Variants in OTOG observed in about 807,000 individuals in gnomAD.
The protein encoded by OTOG is otogelin.
OTOG carries 296 observed loss-of-function variants against 313.8 expected under a neutral mutation model. The ratio of observed to expected loss-of-function variants is 0.94; its 90% CI spans 0.86 to 1.04. OTOG has a LOEUF of 1.04. Among genes scored for constraint, OTOG ranks in the 50% least tolerant of loss-of-function variants. OTOG has a pLI of 0.00. For synonymous variants in OTOG, 1,533 were observed against 1,554.9 expected, an observed-to-expected ratio of 0.99 and a Z score of 0.33; for missense variants, 3,948 against 3,840.1, an observed-to-expected ratio of 1.03 and a Z score of -0.74.
chr11:17,596,896 G>A lies in OTOG; in HGVS notation c.3571G>A (p.Gly1191Ser), dbSNP rs551320755. 6.4e-7 allele frequency: 1 copy of A among 1,551,002 alleles called. No individual in the cohort carries two copies. Among genetic ancestry groups the A allele is most frequent in the South Asian group, 1.2e-5 (1 of 84,050 alleles). ...FYSNCLTDTC[G>S]CSQGGDCECF... The stretch of plus-strand genomic sequence containing the variant: ...CTCAAACTGCCTGACAGACACATGT[G>A]GCTGCAGCCAGGGTGGTGACTGTGA... The change falls in exon 30 of 56, where the codon GGC becomes AGC. Residue 1191 changes from glycine (G) to serine (S), a missense_variant. Coordinates refer to ENST00000399397, the MANE Select transcript of OTOG (RefSeq NM_001292063.2).
chr11:17,603,299 A>G (rs1277815618), intron 32 of OTOG, among the ~76,000 whole-genome samples: 1 of 152,030 alleles, frequency 6.6e-6, no homozygotes, highest in Non-Finnish European at 1.5e-5. Context: ...CTCCCTAAAC[A>G]TTTCTGATCC....
In OTOG at chr11:17,591,571, A is replaced by G; in HGVS notation, c.2989A>G (p.Lys997Glu). The G allele has an allele frequency of 6.4e-7, 1 of 1,550,626 alleles. No individual in the cohort carries two copies. ...GLPFDFVGACKVHLVKSTSDV... is the reference protein window; with the variant it reads ...GLPFDFVGACEVHLVKSTSDV... ...CCCGTTTGACTTCGTGGGGGCATGC[A>G]AAGTGCACCTGGTCAAGGTGAGTTC... Residue 997 changes from lysine to glutamate, a missense_variant, in exon 25 of 56, where the codon AAA (lysine) becomes GAA (glutamate). Transcript: ENST00000399397.
At chr11:17,613,270 TCTCTG>T (rs1853635183) in intron 38 of OTOG, among the ~76,000 whole-genome samples, 5 of 148,332 alleles carry the variant, frequency 3.4e-5, no homozygotes, top group South Asian at 2.2e-4. Flanking sequence ...TTTCTTTCTC[TCTCTG>T]TCTGTCTTTC....
At chr11:17,569,575 C>T (rs1852362717) in intron 16 of OTOG, among the ~76,000 whole-genome samples, 1 of 152,142 alleles carries the variant, frequency 6.6e-6, no homozygotes, top group Admixed American at 6.5e-5. Context: ...TTATTAACTA[C>T]TTGTTATACT....
chr11:17,603,724 G>T (rs1312325313), intron 32 of OTOG, among the ~76,000 whole-genome samples: 1 of 152,188 alleles, frequency 6.6e-6, no homozygotes, highest in Non-Finnish European at 1.5e-5. Flanking sequence ...CTTGAGTTGG[G>T]CCTTAAAGGA....
chr11:17,595,317 G>A lies in OTOG; in HGVS notation c.3409-721G>A, dbSNP rs1033288756. ...TATTTCTCTCTTGCTAATCCCATTC[G>A]GCATACCATGGGGTTCCCCAGTGAA... On this transcript the variant is annotated intron_variant, in intron 28 of 55. Coordinates refer to ENST00000399397, the MANE Select transcript of OTOG (RefSeq NM_001292063.2). Among the ~76,000 whole-genome samples, 69 of 152,166 alleles carry A rather than the reference G, an allele frequency of 4.5e-4. 2 individuals are homozygous for A. The highest frequency in any genetic ancestry group is 4.0e-3 in the Admixed American group (61 of 15,278).
chr11:17,576,488 C>T, intron 20 of OTOG, 68 bp from the exon 21 acceptor site: 2 of 1,340,176 alleles, frequency 1.5e-6, no homozygotes, highest in Admixed American at 3.9e-5. Context: ...GGTGGGGTCC[C>T]TGTCCTTGGC....
In OTOG at chr11:17,613,194, CTTTTCTTTCTTTCTTTCTTT is replaced by C. The variant is rs1309337661; in HGVS notation, c.6439-417_6439-398del. ...CTTTTCTTTCTTTCTTTCTTTCTTTCTTTTCTTTCTTTCTTTCTTTCTTTCTTTCTTTCTTTCTTTCTTTC... is the reference window on the plus strand; with the variant it reads ...CTTTTCTTTCTTTCTTTCTTTCTTTCCTTTCTTTCTTTCTTTCTTTCTTTC... On this transcript the variant is annotated intron_variant, in intron 38 of 55. Transcript: ENST00000399397. Among the ~76,000 whole-genome samples the C allele has an allele frequency of 4.7e-3, 231 of 48,694 alleles. 3 individuals are homozygous for C. Among genetic ancestry groups the C allele is most frequent in the Admixed American group, 7.9e-3 (45 of 5,690 alleles). 31.9% of individuals were successfully genotyped at this position (48,694 alleles called of 152,430 possible).
chr11:17,553,404 C>A lies in OTOG; in HGVS notation c.425C>A (p.Ala142Glu), dbSNP rs945886820. 2.0e-6 allele frequency: 3 copies of A among 1,466,854 alleles called. No individual in the cohort carries two copies. The highest frequency in any genetic ancestry group is 2.7e-6 in the Non-Finnish European group (3 of 1,106,336). The allele number at this position is 1,466,854 out of a possible 1,614,324, so 90.9% of individuals were successfully genotyped here. ...AGPERDSICR[A>E]WGQHHVETFD... is the part of the protein sequence containing the mutation. Reference sequence around the variant, plus strand: ...CCTGAGAGGGACAGCATTTGCCGGGCGTGGGGGCAGCACCACGTGGAGACA... The same window carrying A: ...CCTGAGAGGGACAGCATTTGCCGGGAGTGGGGGCAGCACCACGTGGAGACA... Residue 142 changes from alanine to glutamate, a missense_variant, in exon 6 of 56, where the codon GCG (alanine) becomes GAG (glutamate). By Grantham distance (107) the Ala-to-Glu change is moderately radical (BLOSUM62 -1). Transcript: ENST00000399397.
chr11:17,644,951 G>A (rs550701656), intron 54 of OTOG, among the ~76,000 whole-genome samples: 1 of 152,292 alleles, frequency 6.6e-6, no homozygotes, highest in African/African-American at 2.4e-5. Context: ...GTGAGGGCGT[G>A]AATGAGCCAC....
chr11:17,559,251 TCA>T (rs1447834663), intron 11 of OTOG, 90 bp downstream of exon 11: 113 of 1,070,384 alleles, frequency 1.1e-4, no homozygotes, highest in South Asian at 3.6e-4. Context: ...CTGCTCAGAA[TCA>T]CAGTTATCAG....
Position 17,558,583 on chromosome 11 carries a change from G to T in OTOG, c.1042G>T (p.Ala348Ser), listed in dbSNP as rs191354103. ...GGCTCTACTGCGGCCCCCCTTTGACGCCTGCCACGCCTACGTCAGCCCTCT... is the reference window on the plus strand; with the variant it reads ...GGCTCTACTGCGGCCCCCCTTTGACTCCTGCCACGCCTACGTCAGCCCTCT... The part of the protein sequence containing the change: ...CEALLRPPFD[A>S]CHAYVSPLPF... The change falls in exon 10 of 56, where the codon GCC becomes TCC. Residue 348 changes from alanine (A) to serine (S), a missense_variant. Transcript: ENST00000399397. 4.1e-5 allele frequency: 64 copies of T among 1,550,248 alleles called. No individual in the cohort carries two copies. In the East Asian group the frequency reaches 7.6e-4, roughly 18 times the overall value.
chr11:17,601,273 A>T (rs1032617128), intron 31 of OTOG, among the ~76,000 whole-genome samples: 1 of 152,084 alleles, frequency 6.6e-6, no homozygotes, highest in Non-Finnish European at 1.5e-5. Context: ...CAACATTTGC[A>T]TGTGGCAGGA....
intron 23 of OTOG, among the ~76,000 whole-genome samples, chr11:17,579,399 G>A (rs972614499): frequency 1.3e-5 from 2 of 152,168 alleles, no homozygotes; most frequent in African/African-American, 4.8e-5. Flanking sequence ...GAGGAGGGGA[G>A]GACCATGATT....
At chr11:17,616,744 C>G (rs1464130159) in intron 39 of OTOG, among the ~76,000 whole-genome samples, 4 of 152,184 alleles carry the variant, frequency 2.6e-5, no homozygotes, top group African/African-American at 9.7e-5. Context: ...TTACTAAGCT[C>G]AGTTATTAGT....
At chr11:17,622,222 C>T (rs934791342) in intron 39 of OTOG, among the ~76,000 whole-genome samples, 2 of 152,038 alleles carry the variant, frequency 1.3e-5, no homozygotes, top group Admixed American at 1.3e-4. Flanking sequence ...CAGTCTAATC[C>T]TTTTTTAATT....
chr11:17,632,257 T>A, intron 42 of OTOG, 31 bp downstream of exon 42: 2 of 1,539,902 alleles, frequency 1.3e-6, no homozygotes, highest in Non-Finnish European at 1.8e-6. Flanking sequence ...GACCCTCCAT[T>A]GTGACTATTG....
At chr11:17,611,468 C>T in intron 36 of OTOG, 45 bp downstream of exon 36, 1 of 1,438,998 alleles carries the variant, frequency 6.9e-7, no homozygotes, top group Middle Eastern at 1.8e-4. Context: ...GTGACCCTTC[C>T]CTTCATCCCT....
intron 20 of OTOG, among the ~76,000 whole-genome samples, chr11:17,576,046 G>A (rs778334175): frequency 1.3e-5 from 2 of 152,210 alleles, no homozygotes; most frequent in Admixed American, 6.5e-5. Context: ...GAACCCCTGC[G>A]AAGAATCAAT....
Sources: gnomAD v4.1 joint callset for allele counts (sites outside exome capture counted in the v4.1 genomes callset) on GRCh38, gnomAD v4.1.1 for gene constraint, MANE v1.5 for transcripts, NCBI Gene and HGNC (gene_info 2026-07-23, HGNC 2026-07-21) for gene names.